Variants in SIK2 observed in about 807,000 individuals in gnomAD.
SIK2 encodes the protein salt inducible kinase 2.
In SIK2, 29 loss-of-function variants were observed where a neutral mutation model predicts 103.2. The observed-to-expected ratio is 0.28, with a 90% CI of 0.21 to 0.38. The LOEUF is 0.38. Ranked by LOEUF, SIK2 falls within the 10% of genes least tolerant of loss-of-function variation. The pLI is 1.00. For synonymous variants in SIK2, 412 were observed against 446.1 expected (o/e 0.92, Z 0.96); for missense variants, 879 against 1,171.0 (o/e 0.75, Z 3.64).
intron 9 of SIK2, 25 bp downstream of exon 9, chr11:111,712,400 G>C: frequency 1.2e-6 from 2 of 1,600,740 alleles, no homozygotes; most frequent in South Asian, 1.1e-5. Flanking sequence ...GAGAGTCTCA[G>C]AACTGGCAGT....
chr11:111,669,821 C>A (rs1294424589), intron 3 of SIK2, among the ~76,000 whole-genome samples: 4 of 152,154 alleles, frequency 2.6e-5, no homozygotes, highest in African/African-American at 9.7e-5. Flanking sequence ...GATCTTGGCT[C>A]CCTTTCTCAC....
intron 3 of SIK2, among the ~76,000 whole-genome samples, chr11:111,644,983 G>T (rs886703763): frequency 2.0e-5 from 3 of 152,122 alleles, no homozygotes; most frequent in African/African-American, 7.2e-5. Flanking sequence ...TTCAGTCACT[G>T]TTCATGTGCA....
intron 4 of SIK2, among the ~76,000 whole-genome samples, chr11:111,692,469 A>G (rs1942972078): frequency 6.6e-6 from 1 of 150,804 alleles, no homozygotes; most frequent in Non-Finnish European, 1.5e-5. Context: ...CACACATGCA[A>G]AGGCTGAGAG....
intron 3 of SIK2, among the ~76,000 whole-genome samples, chr11:111,652,295 G>A (rs471210): frequency 0.96 from 146,862 of 152,274 alleles, 71,058 homozygotes; most frequent in East Asian, 1. Context: ...AAAATGAATT[G>A]CTTCTGAGTT....
intron 3 of SIK2, among the ~76,000 whole-genome samples, chr11:111,660,008 C>A (rs746255928): frequency 2.0e-5 from 3 of 152,200 alleles, no homozygotes; most frequent in Non-Finnish European, 4.4e-5. Flanking sequence ...ATGGCCATTT[C>A]TTCCTGTGGC....
intron 3 of SIK2, among the ~76,000 whole-genome samples, chr11:111,627,709 TC>T (rs1421461522): frequency 2.0e-5 from 3 of 152,240 alleles, no homozygotes; most frequent in African/African-American, 7.2e-5. Flanking sequence ...GTTTATAACT[TC>T]AGAGTCAGTC....
In SIK2 at chr11:111,652,313, A is replaced by AT. The variant is rs374926811; in HGVS notation, c.316+31918dup. ...ATGAATTGCTTCTGAGTTTTTAGCC[A>AT]TTTTTTTCAGTCAGTTGGGACATTC... On this transcript the variant is annotated intron_variant, in intron 3 of 14. Coordinates refer to ENST00000304987, the MANE Select transcript of SIK2 (RefSeq NM_015191.3). 1.3e-3 allele frequency among the ~76,000 whole-genome samples: 194 copies of AT among 152,238 alleles called. 1 individual carries two copies. The highest frequency in any genetic ancestry group is 4.4e-3 in the African/African-American group (184 of 41,548).
chr11:111,642,442 A>C (rs142382723), intron 3 of SIK2, among the ~76,000 whole-genome samples: 32 of 152,292 alleles, frequency 2.1e-4, no homozygotes, highest in African/African-American at 7.7e-4. Context: ...GCACTGGTTT[A>C]TTATAAAGAA....
intron 8 of SIK2, among the ~76,000 whole-genome samples, chr11:111,710,298 ATTTC>A (rs1257569398): frequency 1.3e-5 from 2 of 152,274 alleles, no homozygotes; most frequent in South Asian, 2.1e-4. Flanking sequence ...AAGGAAAGCT[ATTTC>A]TTTATCACAC....
Position 111,720,731 on chromosome 11 carries a change from C to T in SIK2, c.1749C>T (p.Gly583=), listed in dbSNP as rs1943774512. The T allele has an allele frequency of 6.2e-7, 1 of 1,605,808 alleles. No homozygotes were observed. The highest frequency in any genetic ancestry group is 8.5e-7 in the Non-Finnish European group (1 of 1,176,256). The part of the protein sequence containing the change: ...HNRSPVSFRE[G]RRASDTSLTQ... ...GGTCTCCAGTGAGCTTCAGAGAGGG[C>T]CGCAGAGCATCAGATACCTCCCTCA... Residue 583 remains glycine, a synonymous_variant, in exon 11 of 15, where the codon GGC becomes GGT. Transcript: ENST00000304987.
Position 111,602,676 on chromosome 11 carries a change from G to C in SIK2, c.113G>C (p.Arg38Pro), listed in dbSNP as rs1349564075. 1 of 1,525,388 alleles carries C rather than the reference G, an allele frequency of 6.6e-7. No homozygotes were observed. Among genetic ancestry groups the C allele is most frequent in the Non-Finnish European group, 8.8e-7 (1 of 1,135,036 alleles). The allele number at this position is 1,525,388 out of a possible 1,614,324, so 94.5% of individuals were successfully genotyped here. A position where few individuals can be genotyped will look rare whatever the true frequency, so the allele number is the denominator to read the frequency against. ...KGNFAVVKLG[R>P]HRITKTEVAI... ...AACTTCGCTGTGGTGAAGCTGGGGC[G>C]GCACCGGATCACCAAGACGGAGGTG... The change falls in exon 1 of 15, where the codon CGG becomes CCG. Residue 38 changes from arginine to proline, a missense_variant. This residue lies in a region of SIK2 where 126 missense variants were observed against 245.5 expected (regional missense o/e 0.51). Coordinates refer to ENST00000304987, the MANE Select transcript of SIK2 (RefSeq NM_015191.3). The surrounding 1 kb of genome is among the most constrained non-coding windows in gnomAD (Gnocchi z 4.5).
chr11:111,712,297 G>A lies in SIK2; in HGVS notation c.1188G>A (p.Val396=), dbSNP rs1256407444. 6.2e-7 allele frequency: 1 copy of A among 1,614,060 alleles called. No individual in the cohort carries two copies. Among genetic ancestry groups the A allele is most frequent in the Non-Finnish European group, 8.5e-7 (1 of 1,180,034 alleles). Residue 396 remains valine (V), a synonymous_variant, in exon 9 of 15, where the codon GTG becomes GTA. Coordinates refer to ENST00000304987, the MANE Select transcript of SIK2 (RefSeq NM_015191.3). ...CCCTCCTCCCCCAGGCATCCAACGT[G>A]GAGGCCTTTTCATTTCCAGCATCTG... is the stretch of plus-strand genomic sequence containing the variant. ...RSALLPQASN[V]EAFSFPASGC...
Position 111,723,732 on chromosome 11 carries a change from A to G in SIK2, c.2384A>G (p.Gln795Arg), listed in dbSNP as rs966307354. ...MQYSPFLSQY[Q>R]EMQLQPLPST... ...TACAGCCCTTTCCTCAGCCAGTACC[A>G]AGAGATGCAGCTTCAGCCCCTGCCC... Residue 795 changes from glutamine (Q) to arginine (R), a missense_variant, in exon 15 of 15, where the codon CAA (glutamine) becomes CGA (arginine). By Grantham distance (43) the Gln-to-Arg change is conservative (BLOSUM62 1). This residue lies in a region of SIK2 where 375 missense variants were observed against 416.3 expected (regional missense o/e 0.90). Coordinates refer to ENST00000304987, the MANE Select transcript of SIK2 (RefSeq NM_015191.3). 6.2e-7 allele frequency: 1 copy of G among 1,614,038 alleles called. No homozygotes were observed. Among genetic ancestry groups the G allele is most frequent in the Admixed American group, 1.7e-5 (1 of 60,020 alleles).
rs749676109 is a variant in SIK2 at position 111,712,274 on chromosome 11, C to T, written c.1165C>T (p.Leu389Phe). 4.3e-6 allele frequency: 7 copies of T among 1,614,116 alleles called. No individual in the cohort carries two copies. Among genetic ancestry groups the T allele is most frequent in the Admixed American group, 1.7e-5 (1 of 60,006 alleles). Residue 389 changes from leucine to phenylalanine, a missense_variant, in exon 9 of 15, where the codon CTC (leucine) becomes TTC (phenylalanine). Around this residue, in one of 7 missense-constraint regions of SIK2, gnomAD observed 222 missense variants for 258.0 expected, o/e 0.86. Transcript: ENST00000304987. ...GAACATGAGGCTGCTGCGATCTGCC[C>T]TCCTCCCCCAGGCATCCAACGTGGA... ...SPNMRLLRSA[L>F]LPQASNVEAF... is the part of the protein sequence containing the mutation.
At position 111,722,439 on chromosome 11, in the gene SIK2, A is replaced by C. The variant is rs1261901015; in HGVS notation, c.2056-226A>C. The stretch of plus-strand genomic sequence containing the variant: ...TCCATGAGCCTCACAGTCCTAGTGG[A>C]CTTTTGGAAATGGAGTGGAAAAAGG... On this transcript the variant is annotated intron_variant, in intron 13 of 14. Coordinates refer to ENST00000304987, the MANE Select transcript of SIK2 (RefSeq NM_015191.3). The surrounding 1 kb of genome is among the most constrained non-coding windows in gnomAD (Gnocchi z 4.4). Among the ~76,000 whole-genome samples the C allele has an allele frequency of 6.6e-6, 1 of 152,198 alleles. No individual in the cohort carries two copies. The highest frequency in any genetic ancestry group is 2.4e-5 in the African/African-American group (1 of 41,456).
At chr11:111,651,871 A>G (rs753424410) in intron 3 of SIK2, among the ~76,000 whole-genome samples, 1 of 152,194 alleles carries the variant, frequency 6.6e-6, no homozygotes, top group Non-Finnish European at 1.5e-5. Context: ...AGGACTTTGC[A>G]AGCTCTATAG....
In SIK2 at chr11:111,701,626, A is replaced by C. The variant is rs764952057; in HGVS notation, c.727+51A>C. 3 of 1,586,122 alleles carry C rather than the reference A, an allele frequency of 1.9e-6. No homozygotes were observed. The highest frequency in any genetic ancestry group is 1.7e-5 in the Admixed American group (1 of 58,198). On this transcript the variant is annotated intron_variant, in intron 6 of 14. Coordinates refer to ENST00000304987, the MANE Select transcript of SIK2 (RefSeq NM_015191.3). This position sits in a 1 kb window ranked among gnomAD's most constrained non-coding sequence, Gnocchi z 4.2. ...GGTGTTTTACAGTGTTAGTGCTCCA[A>C]GTGAAATGCCTAGGTAAAAGCTTCT...
intron 3 of SIK2, among the ~76,000 whole-genome samples, chr11:111,630,496 T>C (rs1282529004): frequency 6.7e-6 from 1 of 149,752 alleles, no homozygotes; most frequent in Non-Finnish European, 1.5e-5. Flanking sequence ...CTTGTCTCTC[T>C]CAAAAAAAAA....
intron 3 of SIK2, among the ~76,000 whole-genome samples, chr11:111,641,175 C>T (rs1359351931): frequency 6.6e-6 from 1 of 152,164 alleles, no homozygotes; most frequent in African/African-American, 2.4e-5. Context: ...TTGTCTATCT[C>T]ATTTTCCTGT....
Sources: allele counts gnomAD v4.1 joint callset (sites outside exome capture counted in the v4.1 genomes callset), GRCh38; gene constraint gnomAD v4.1.1; regional missense constraint gnomAD v4.1.1; non-coding constraint Gnocchi (gnomAD v3.1); transcripts MANE v1.5; gene names NCBI Gene and HGNC (gene_info 2026-07-23, HGNC 2026-07-21).